The following SLC10A2 variants were observed in gnomAD, a reference collection of about 807,000 sequenced individuals.
SLC10A2 encodes solute carrier family 10 member 2.
In SLC10A2, 34 loss-of-function variants were observed where a neutral mutation model predicts 27.1. The ratio of observed to expected loss-of-function variants is 1.26; its 90% CI spans 0.96 to 1.67. The LOEUF is 1.67. Among genes scored for constraint, SLC10A2 ranks in the 40% most tolerant of loss-of-function variants. SLC10A2 has a pLI of 0.00. For synonymous variants in SLC10A2, 205 were observed against 174.0 expected (o/e 1.18, Z -1.40); for missense variants, 530 against 444.4 (o/e 1.19, Z -1.73).
intron 1 of SLC10A2, among the ~76,000 whole-genome samples, chr13:103,060,785 A>C (rs191021359): frequency 2.4e-4 from 37 of 152,288 alleles, no homozygotes; most frequent in Non-Finnish European, 4.7e-4. Context: ...CCCTTCTCTC[A>C]ACAGGTCGTC....
At chr13:103,062,903 G>A (rs1023245337) in intron 1 of SLC10A2, among the ~76,000 whole-genome samples, 2 of 152,164 alleles carry the variant, frequency 1.3e-5, no homozygotes, top group African/African-American at 2.4e-5. Flanking sequence ...GCATGGTGTC[G>A]CTGAGGCCAT....
chr13:103,062,205 C>T (rs559126759), intron 1 of SLC10A2, among the ~76,000 whole-genome samples: 24 of 152,220 alleles, frequency 1.6e-4, no homozygotes, highest in Admixed American at 2.6e-4. Context: ...TCTAACGTAG[C>T]GTATATAGGC....
At position 103,051,345 on chromosome 13, in the gene SLC10A2, T is replaced by C; in HGVS notation, c.673A>G (p.Lys225Glu). ...AATATTGTTCCTATAATCCACAGTT[T>C]GGGAGCAATGATCCAGGCGCTTTGG... ...LYQSAWIIAP[K>E]LWIIGTIFPV... Residue 225 changes from lysine to glutamate, a missense_variant, in exon 4 of 6, where the codon AAA becomes GAA. Coordinates refer to ENST00000245312, the MANE Select transcript of SLC10A2 (RefSeq NM_000452.3). 1.2e-6 allele frequency: 2 copies of C among 1,614,070 alleles called. No homozygotes were observed. The highest frequency in any genetic ancestry group is 1.7e-6 in the Non-Finnish European group (2 of 1,180,002).
At chr13:103,051,113 C>T (rs1377080563) in intron 4 of SLC10A2, 144 bp downstream of exon 4, 4 of 795,542 alleles carry the variant, frequency 5.0e-6, no homozygotes, top group African/African-American at 3.4e-5. Context: ...TTCATTTTCA[C>T]TTCTAGTCTC....
chr13:103,048,640 T>C (rs1467702539), intron 5 of SLC10A2, among the ~76,000 whole-genome samples: 2 of 151,884 alleles, frequency 1.3e-5, no homozygotes, highest in Non-Finnish European at 2.9e-5. Flanking sequence ...GAAAGGAAAA[T>C]GTAGAAAGAA....
At chr13:103,049,065 C>T (rs574871707) in intron 5 of SLC10A2, among the ~76,000 whole-genome samples, 12 of 152,314 alleles carry the variant, frequency 7.9e-5, no homozygotes, top group Non-Finnish European at 1.3e-4. Flanking sequence ...GAGAATCGGC[C>T]TCCATTACTT....
chr13:103,047,719 G>A (rs191028754), intron 5 of SLC10A2, among the ~76,000 whole-genome samples: 3 of 152,150 alleles, frequency 2.0e-5, no homozygotes, highest in Admixed American at 6.6e-5. Context: ...TTTCAAGACC[G>A]AGTTGAGTGC....
At chr13:103,054,655 C>T (rs1007858899) in intron 2 of SLC10A2, among the ~76,000 whole-genome samples, 5 of 152,170 alleles carry the variant, frequency 3.3e-5, no homozygotes, top group African/African-American at 1.2e-4. Context: ...ACATAAGCAG[C>T]ACCACCTGCT....
chr13:103,049,456 A>G lies in SLC10A2; in HGVS notation c.762-10T>C, dbSNP rs1474729973. The stretch of plus-strand genomic sequence containing the variant: ...AGCAACCGTTCGGCACCTAAAGAAG[A>G]TGTTAAGAGAGCACATGTTTTAGTA... On this transcript the variant is annotated splice_polypyrimidine_tract_variant and intron_variant, in intron 4 of 5. Transcript: ENST00000245312. 1.2e-6 allele frequency: 2 copies of G among 1,613,730 alleles called. No individual in the cohort carries two copies. Among genetic ancestry groups the G allele is most frequent in the Non-Finnish European group, 1.7e-6 (2 of 1,179,758 alleles).
rs199722631 is a variant in SLC10A2 at position 103,065,946 on chromosome 13, T to C, written c.304A>G (p.Ile102Val). ...ILPLQAVVVL[I>V]IGCCPGGTAS... ...GTTCCTCCAGGGCAGCATCCTATAATGAGCACCACTACGGCCTGGAGCGGG... is the reference window on the plus strand; with the variant it reads ...GTTCCTCCAGGGCAGCATCCTATAACGAGCACCACTACGGCCTGGAGCGGG... Residue 102 changes from isoleucine (I) to valine (V), a missense_variant, in exon 1 of 6, where the codon ATT becomes GTT. Coordinates refer to ENST00000245312, the MANE Select transcript of SLC10A2 (RefSeq NM_000452.3). 1.9e-6 allele frequency: 3 copies of C among 1,614,190 alleles called. No homozygotes were observed. Among genetic ancestry groups the C allele is most frequent in the Non-Finnish European group, 2.5e-6 (3 of 1,180,004 alleles).
At position 103,051,337 on chromosome 13, in the gene SLC10A2, CCA is replaced by C. The variant is rs763605309; in HGVS notation, c.679_680del (p.Trp227AspfsTer19). ...CCACAGGAAATATTGTTCCTATAAT[CCA>C]CAGTTTGGGAGCAATGATCCAGGCG... ...QSAWIIAPKLWIIGTIFPVAG... is the reference protein window; with the variant it reads ...QSAWIIAPKLXIIGTIFPVAG... On this transcript the variant is annotated frameshift_variant, in exon 4 of 6. Transcript: ENST00000245312. LOFTEE classifies it high-confidence loss of function. 6.2e-7 allele frequency: 1 copy of C among 1,614,070 alleles called. No homozygotes were observed.
chr13:103,066,162 G>A lies in SLC10A2; in HGVS notation c.88C>T (p.Leu30=), dbSNP rs1876270954. ...AGCACCGTACTTAGGACCACACTTA[G>A]GATGTTATTGAAATTGCTCTCAGGT... ...VVPESNFNNI[L]SVVLSTVLTI... is the part of the protein sequence containing the mutation. The change falls in exon 1 of 6, where the codon CTA becomes TTA. Residue 30 remains leucine, a synonymous_variant. Transcript: ENST00000245312. The A allele has an allele frequency of 1.2e-6, 2 of 1,614,048 alleles. No homozygotes were observed. Among genetic ancestry groups the A allele is most frequent in the African/African-American group, 1.3e-5 (1 of 75,030 alleles).
At chr13:103,065,767 C>T (rs1876252679) in intron 1 of SLC10A2, 106 bp downstream of exon 1, 2 of 1,296,186 alleles carry the variant, frequency 1.5e-6, no homozygotes, top group East Asian at 2.3e-5. Flanking sequence ...ATTCCTTAGT[C>T]ATACTTTAGA....
At chr13:103,062,194 C>T (rs578072654) in intron 1 of SLC10A2, among the ~76,000 whole-genome samples, 90 of 152,230 alleles carry the variant, frequency 5.9e-4, no homozygotes, top group African/African-American at 2.1e-3. Flanking sequence ...AGTTTGAAGG[C>T]TCTAACGTAG....
At chr13:103,054,953 T>C (rs1875899771) in intron 2 of SLC10A2, among the ~76,000 whole-genome samples, 1 of 152,196 alleles carries the variant, frequency 6.6e-6, no homozygotes, top group Admixed American at 6.5e-5. Context: ...GGTTACACAT[T>C]GAATCCATAA....
chr13:103,061,206 G>A (rs1238737263), intron 1 of SLC10A2, among the ~76,000 whole-genome samples: 1 of 152,158 alleles, frequency 6.6e-6, no homozygotes, highest in Non-Finnish European at 1.5e-5. Flanking sequence ...TAGATGCTAA[G>A]GCAGAATTGT....
At chr13:103,051,992 A>T (rs746699876) in intron 3 of SLC10A2, among the ~76,000 whole-genome samples, 2 of 152,106 alleles carry the variant, frequency 1.3e-5, no homozygotes, top group Non-Finnish European at 2.9e-5. Flanking sequence ...GATTATAAAC[A>T]TTTTTTGTCA....
chr13:103,058,357 G>T lies in SLC10A2; in HGVS notation c.403C>A (p.Leu135Met), dbSNP rs374462825. ...AGCGGCATCATTCCGAGGGCAAGCAGTGTGGAGCATGTGGTCATGCTGACG... is the reference window on the plus strand; with the variant it reads ...AGCGGCATCATTCCGAGGGCAAGCATTGTGGAGCATGTGGTCATGCTGACG... ...LSVSMTTCST[L>M]LALGMMPLCL... Residue 135 changes from leucine (L) to methionine (M), a missense_variant, in exon 2 of 6, where the codon CTG becomes ATG. Transcript: ENST00000245312. 46 of 1,613,422 alleles carry T rather than the reference G, an allele frequency of 2.9e-5. No individual in the cohort carries two copies. Among genetic ancestry groups the T allele is most frequent in the Non-Finnish European group, 3.6e-5 (42 of 1,179,480 alleles).
Position 103,066,122 on chromosome 13 carries a change from G to A in SLC10A2, c.128C>T (p.Ala43Val), listed in dbSNP as rs201512614. ...VLSTVLTILL[A>V]LVMFSMGCNV... is the part of the protein sequence containing the mutation. ...GCATCCCATGGAGAACATCACCAAG[G>A]CCAACAGGATGGTCAGCACCGTACT... Residue 43 changes from alanine (A) to valine (V), a missense_variant, in exon 1 of 6, where the codon GCC becomes GTC. Physicochemically the swap from Ala to Val is moderately conservative, Grantham distance 64. Transcript: ENST00000245312. The A allele has an allele frequency of 2.8e-5, 45 of 1,613,924 alleles. No homozygotes were observed. Among genetic ancestry groups the A allele is most frequent in the Admixed American group, 1.0e-4 (6 of 59,976 alleles).
Sources: gnomAD v4.1 joint callset for allele counts (sites outside exome capture counted in the v4.1 genomes callset) on GRCh38, gnomAD v4.1.1 for gene constraint, MANE v1.5 for transcripts, NCBI Gene and HGNC (gene_info 2026-07-23, HGNC 2026-07-21) for gene names.